The following STRN3 variants were observed in gnomAD, a reference collection of about 807,000 sequenced individuals.
STRN3 encodes striatin-3.
STRN3 carries 29 observed loss-of-function variants against 95.6 expected under a neutral mutation model. The observed-to-expected ratio is 0.30, with a 90% CI of 0.23 to 0.41. STRN3 has a LOEUF of 0.41. Ranked by LOEUF, STRN3 falls within the 10% of genes least tolerant of loss-of-function variation. The pLI is 1.00. For synonymous variants in STRN3, 331 were observed against 357.6 expected (o/e 0.93, Z 0.84); for missense variants, 890 against 972.1 (o/e 0.92, Z 1.12).
At chr14:30,895,822 G>T in intron 16 of STRN3, 74 bp from the exon 17 acceptor site, 1 of 1,280,284 alleles carries the variant, frequency 7.8e-7, no homozygotes, top group Non-Finnish European at 1.1e-6. Flanking sequence ...CTACAATATA[G>T]CATCAACATA....
intron 1 of STRN3, 121 bp downstream of exon 1, chr14:31,025,783 C>A: frequency 7.3e-7 from 1 of 1,370,886 alleles, no homozygotes. Flanking sequence ...ACCTGAGCAG[C>A]ACAGGTAGGT....
chr14:30,902,618 G>C lies in STRN3; in HGVS notation c.2055C>G (p.Asn685Lys). 6.2e-7 allele frequency: 1 copy of C among 1,601,318 alleles called. No individual in the cohort carries two copies. Among genetic ancestry groups the C allele is most frequent in the South Asian group, 1.1e-5 (1 of 88,442 alleles). Residue 685 changes from asparagine (N) to lysine (K), a missense_variant, in exon 16 of 18, where the codon AAC becomes AAG. Transcript: ENST00000357479. ...DSGLQSNNHINRVVSHPTLPV... is the reference protein window; with the variant it reads ...DSGLQSNNHIKRVVSHPTLPV... ...GAAGTGTGGGATGACTTACTACTCT[G>C]TTGATATGATTATTAGATTGTAAAC...
intron 1 of STRN3, among the ~76,000 whole-genome samples, chr14:31,000,536 A>AT (rs1882397404): frequency 6.6e-6 from 1 of 151,384 alleles, no homozygotes; most frequent in Non-Finnish European, 1.5e-5. Context: ...AAAAAGCAAG[A>AT]TTTTAAATGG....
At chr14:31,009,380 T>C (rs1180387104) in intron 1 of STRN3, among the ~76,000 whole-genome samples, 1 of 152,108 alleles carries the variant, frequency 6.6e-6, no homozygotes, top group Non-Finnish European at 1.5e-5. Flanking sequence ...CCCTGTCCAC[T>C]CTCCACTAAA....
intron 12 of STRN3, 128 bp downstream of exon 12, chr14:30,911,649 T>C (rs939220444): frequency 1.1e-5 from 9 of 803,902 alleles, no homozygotes; most frequent in Admixed American, 6.0e-5. Flanking sequence ...AATTATTAAA[T>C]AGCTATTATT....
chr14:30,944,161 A>G (rs903661603), intron 5 of STRN3, among the ~76,000 whole-genome samples: 3 of 152,092 alleles, frequency 2.0e-5, no homozygotes, highest in Non-Finnish European at 4.4e-5. Context: ...GAAAAAAACG[A>G]AAGGATCTTT....
intron 5 of STRN3, among the ~76,000 whole-genome samples, chr14:30,936,995 A>C (rs922473876): frequency 2.0e-5 from 3 of 152,166 alleles, no homozygotes; most frequent in African/African-American, 7.2e-5. Context: ...TTTGGTCTAA[A>C]TGTTTGAGGA....
intron 9 of STRN3, among the ~76,000 whole-genome samples, chr14:30,916,000 TATGAC>T (rs1566433364): frequency 2.0e-5 from 3 of 152,204 alleles, no homozygotes; most frequent in African/African-American, 7.2e-5. Flanking sequence ...ACATATATTT[TATGAC>T]ATATTTATGT....
intron 1 of STRN3, among the ~76,000 whole-genome samples, chr14:30,979,257 A>G (rs1020243772): frequency 6.6e-6 from 1 of 152,170 alleles, no homozygotes; most frequent in African/African-American, 2.4e-5. Flanking sequence ...GAGATATCAA[A>G]GAAAATCTAA....
At chr14:30,979,500 G>A (rs903464629) in intron 1 of STRN3, among the ~76,000 whole-genome samples, 12 of 152,122 alleles carry the variant, frequency 7.9e-5, no homozygotes, top group African/African-American at 2.9e-4. Context: ...AATTTCAGTT[G>A]ATAATTTAGG....
In STRN3 at chr14:31,019,594, G is replaced by C. The variant is rs934890326; in HGVS notation, c.282+6310C>G. On this transcript the variant is annotated intron_variant, in intron 1 of 17. Coordinates refer to ENST00000357479, the MANE Select transcript of STRN3 (RefSeq NM_001083893.2). ...CAGGAGATTATCTCAAAGAATTCTG[G>C]CAGGAGGAGTACTCTGAACTAAGGC... 3.9e-5 allele frequency among the ~76,000 whole-genome samples: 6 copies of C among 152,242 alleles called. 1 individual carries two copies. The highest frequency in any genetic ancestry group is 6.8e-3 in the Middle Eastern group (2 of 294).
chr14:30,994,489 G>C (rs1199682390), intron 1 of STRN3, among the ~76,000 whole-genome samples: 1 of 151,982 alleles, frequency 6.6e-6, no homozygotes, highest in African/African-American at 2.4e-5. Context: ...CATAAACCTA[G>C]AAATAAACTG....
At position 30,935,209 on chromosome 14, in the gene STRN3, A is replaced by C; in HGVS notation, c.942T>G (p.Gly314=). 6.2e-7 allele frequency: 1 copy of C among 1,614,066 alleles called. No homozygotes were observed. Residue 314 remains glycine, a synonymous_variant, in exon 7 of 18, where the codon GGT becomes GGG. Transcript: ENST00000357479. The stretch of plus-strand genomic sequence containing the variant: ...AACTCCGTGCTTCTCCAGCTCCTTC[A>C]CCATCTTCAGCAGTCACTAAAAAAT... The part of the protein sequence containing the change: ...EFDFLVTAED[G]EGAGEARSSG...
At chr14:31,016,873 A>C (rs1044241002) in intron 1 of STRN3, among the ~76,000 whole-genome samples, 1 of 152,188 alleles carries the variant, frequency 6.6e-6, no homozygotes, top group African/African-American at 2.4e-5. Flanking sequence ...TATAGCAACT[A>C]GCCAGGTGCA....
intron 1 of STRN3, among the ~76,000 whole-genome samples, chr14:30,990,160 C>T (rs1422881106): frequency 6.6e-6 from 1 of 150,914 alleles, no homozygotes; most frequent in Non-Finnish European, 1.5e-5. Context: ...TCTGAGGGCA[C>T]TATGACTTTT....
At chr14:31,002,501 G>GTCACA (rs1358558788) in intron 1 of STRN3, among the ~76,000 whole-genome samples, 68 of 149,270 alleles carry the variant, frequency 4.6e-4, no homozygotes, top group African/African-American at 1.7e-3. Flanking sequence ...AAATTAGCTG[G>GTCACA]TCACAGTGGC....
intron 8 of STRN3, among the ~76,000 whole-genome samples, chr14:30,922,135 T>C (rs1268144718): frequency 6.6e-6 from 1 of 152,048 alleles, no homozygotes; most frequent in Non-Finnish European, 1.5e-5. Flanking sequence ...GCAATCCACC[T>C]ACCTCAGTCT....
chr14:30,951,239 T>C (rs1879625468), intron 3 of STRN3, among the ~76,000 whole-genome samples: 2 of 152,134 alleles, frequency 1.3e-5, no homozygotes, highest in South Asian at 2.1e-4. Context: ...AAACTGATTT[T>C]TTCTCTTTTT....
chr14:30,938,962 T>C (rs1053580102), intron 5 of STRN3, among the ~76,000 whole-genome samples: 3 of 152,180 alleles, frequency 2.0e-5, no homozygotes, highest in African/African-American at 7.2e-5. Flanking sequence ...ACCTAGCCTA[T>C]TACTGTTTCA....
Sources: allele counts gnomAD v4.1 joint callset (sites outside exome capture counted in the v4.1 genomes callset), GRCh38; gene constraint gnomAD v4.1.1; transcripts MANE v1.5; gene names NCBI Gene and HGNC (gene_info 2026-07-23, HGNC 2026-07-21).